The following KIFAP3 variants were observed in gnomAD, a reference collection of about 807,000 sequenced individuals.
KIFAP3 encodes kinesin associated protein 3, also known as kinesin-associated protein 3.
Under a neutral mutation model 106.5 loss-of-function variants are expected in KIFAP3, and 68 were observed. That is an observed-to-expected ratio of 0.64 (90% CI 0.53 to 0.78). KIFAP3 has a LOEUF of 0.78. Among genes scored for constraint, KIFAP3 ranks in the 30% least tolerant of loss-of-function variants. KIFAP3 has a pLI of 0.00. For missense variants in KIFAP3, 780 were observed against 941.8 expected, an observed-to-expected ratio of 0.83 and a Z score of 2.25; for synonymous variants, 320 against 311.5, an observed-to-expected ratio of 1.03 and a Z score of -0.29.
At chr1:170,027,264 C>G (rs1669164448) in intron 8 of KIFAP3, among the ~76,000 whole-genome samples, 1 of 152,090 alleles carries the variant, frequency 6.6e-6, no homozygotes, top group Admixed American at 6.6e-5. Context: ...AGGTGATCTG[C>G]CTGCCTTGGC....
In KIFAP3 at chr1:169,993,107, T is replaced by A. The variant is rs78702142; in HGVS notation, c.1184-852A>T. Among the ~76,000 whole-genome samples the A allele has an allele frequency of 1.3e-4, 10 of 76,698 alleles. 1 individual carries two copies. The South Asian group carries it at 1.4e-3, about 11-fold the overall frequency. 50.3% of individuals were successfully genotyped at this position (76,698 alleles called of 152,430 possible). A position where few individuals can be genotyped will look rare whatever the true frequency, so the allele number is the denominator to read the frequency against. On this transcript the variant is annotated intron_variant, in intron 10 of 19. Transcript: ENST00000361580. ...TAAACTGGTATTTTCTTTTCTGTCC[T>A]TTTTTTTTTTTTTTTTCAGAGACAG...
At chr1:170,083,595 T>C (rs1308057825) in intron 1 of KIFAP3, among the ~76,000 whole-genome samples, 1 of 152,244 alleles carries the variant, frequency 6.6e-6, no homozygotes, top group Non-Finnish European at 1.5e-5. Context: ...ATAGCATACA[T>C]AAATTTGTAC....
intron 10 of KIFAP3, among the ~76,000 whole-genome samples, chr1:169,997,894 G>A (rs1399844219): frequency 1.8e-4 from 6 of 33,152 alleles, no homozygotes; most frequent in African/African-American, 1.7e-4. Context: ...AAAAAAAAAA[G>A]GATAAAAAAA....
chr1:170,005,881 C>T (rs1324531137), intron 10 of KIFAP3, among the ~76,000 whole-genome samples: 1 of 151,568 alleles, frequency 6.6e-6, no homozygotes, highest in East Asian at 1.9e-4. Flanking sequence ...AAAAAAAAAC[C>T]CTGTATACCC....
intron 6 of KIFAP3, among the ~76,000 whole-genome samples, 177 bp from the exon 7 acceptor site, chr1:170,034,673 A>G (rs1044960503): frequency 1.3e-5 from 2 of 151,924 alleles, no homozygotes; most frequent in Non-Finnish European, 2.9e-5. Context: ...ATTACTTTAA[A>G]TATATCACAC....
At chr1:169,989,069 T>C (rs1666976132) in intron 11 of KIFAP3, among the ~76,000 whole-genome samples, 1 of 152,012 alleles carries the variant, frequency 6.6e-6, no homozygotes, top group Non-Finnish European at 1.5e-5. Flanking sequence ...ACATGTTTGA[T>C]GTTAGAAAAC....
chr1:170,039,672 T>C (rs184417471), intron 3 of KIFAP3, among the ~76,000 whole-genome samples: 46 of 152,002 alleles, frequency 3.0e-4, no homozygotes, highest in Non-Finnish European at 6.5e-4. Context: ...AAAGTACGAC[T>C]TGAGTAATAT....
chr1:170,058,587 T>C (rs908191095), intron 1 of KIFAP3, among the ~76,000 whole-genome samples: 1 of 152,174 alleles, frequency 6.6e-6, no homozygotes, highest in Non-Finnish European at 1.5e-5. Context: ...CATACACTAC[T>C]AGACAAGACA....
At chr1:170,054,502 A>AT (rs1670741181) in intron 2 of KIFAP3, among the ~76,000 whole-genome samples, 1 of 152,220 alleles carries the variant, frequency 6.6e-6, no homozygotes, top group South Asian at 2.1e-4. Flanking sequence ...ATAAAGACAC[A>AT]TTAACACATA....
intron 3 of KIFAP3, among the ~76,000 whole-genome samples, chr1:170,044,776 A>C (rs529717397): frequency 6.6e-6 from 1 of 152,200 alleles, no homozygotes; most frequent in Non-Finnish European, 1.5e-5. Context: ...AGTGCCCATT[A>C]AACAGCTCTT....
At chr1:170,068,668 T>C (rs555339264) in intron 1 of KIFAP3, 52 of 151,176 alleles carry the variant, frequency 3.4e-4, no homozygotes, top group African/African-American at 1.2e-3. Flanking sequence ...GAAAAAACAG[T>C]CAAAAACTTC....
At chr1:170,065,985 T>C (rs1160628017) in intron 1 of KIFAP3, among the ~76,000 whole-genome samples, 3 of 152,248 alleles carry the variant, frequency 2.0e-5, no homozygotes, top group African/African-American at 7.2e-5. Flanking sequence ...ATACTTTGAT[T>C]ATTTTCCTAA....
chr1:169,959,353 A>G (rs535159362), intron 18 of KIFAP3, among the ~76,000 whole-genome samples: 1 of 152,284 alleles, frequency 6.6e-6, no homozygotes, highest in East Asian at 1.9e-4. Flanking sequence ...CTAAACTAAA[A>G]AAAATTGCTT....
At chr1:170,048,992 G>C (rs1450840559) in intron 2 of KIFAP3, among the ~76,000 whole-genome samples, 4 of 152,210 alleles carry the variant, frequency 2.6e-5, no homozygotes, top group African/African-American at 9.7e-5. Context: ...CACTGCCCTG[G>C]AAAGGGGGCG....
intron 9 of KIFAP3, among the ~76,000 whole-genome samples, chr1:170,022,214 T>C (rs150576510): frequency 3.9e-5 from 6 of 151,906 alleles, no homozygotes; most frequent in Admixed American, 3.9e-4. Context: ...CTCCCAAAGT[T>C]CTGGGATTAC....
At chr1:170,067,273 C>T (rs1024300548) in intron 1 of KIFAP3, among the ~76,000 whole-genome samples, 2 of 151,934 alleles carry the variant, frequency 1.3e-5, no homozygotes, top group Non-Finnish European at 2.9e-5. Flanking sequence ...GGGTACAGAG[C>T]AATATATGAA....
chr1:170,074,511 G>A lies in KIFAP3; in HGVS notation c.-44C>T, dbSNP rs1167705168. On this transcript the variant is annotated 5_prime_UTR_variant, in exon 1 of 20. Coordinates refer to ENST00000361580, the MANE Select transcript of KIFAP3 (RefSeq NM_014970.4). ...GTGGAGAGGATGGGGTATCTTGAGAGGCAGGCGCGGTTATTTCCGGGGACG... is the reference window on the plus strand; with the variant it reads ...GTGGAGAGGATGGGGTATCTTGAGAAGCAGGCGCGGTTATTTCCGGGGACG... 1.2e-6 allele frequency: 2 copies of A among 1,613,162 alleles called. No individual in the cohort carries two copies. Among genetic ancestry groups the A allele is most frequent in the Non-Finnish European group, 1.7e-6 (2 of 1,179,724 alleles).
chr1:170,078,469 T>A (rs1671963456), upstream of KIFAP3, among the ~76,000 whole-genome samples: 1 of 152,088 alleles, frequency 6.6e-6, no homozygotes. Context: ...TACTAATATC[T>A]GAAATGAAAG....
At chr1:170,057,052 A>G (rs1670887999) in intron 1 of KIFAP3, among the ~76,000 whole-genome samples, 1 of 152,194 alleles carries the variant, frequency 6.6e-6, no homozygotes, top group African/African-American at 2.4e-5. Flanking sequence ...TAGCATCACT[A>G]TAAGAAACAT....
Sources: gnomAD v4.1 joint callset for allele counts (sites outside exome capture counted in the v4.1 genomes callset) on GRCh38, gnomAD v4.1.1 for gene constraint, MANE v1.5 for transcripts, NCBI Gene and HGNC (gene_info 2026-07-23, HGNC 2026-07-21) for gene names.